Variants in SMIM3 observed in about 807,000 individuals in gnomAD.
SMIM3 encodes small integral membrane protein 3, also known as NGF-induced differentiation clone 67 protein.
Under a neutral mutation model 2.1 loss-of-function variants are expected in SMIM3, and 4 were observed. That is an observed-to-expected ratio of 1.89 (90% CI 0.93 to 4.31). The LOEUF (loss-of-function observed/expected upper bound fraction) is 4.31, where lower values mean the gene tolerates loss of function less well. SMIM3 is among the 30% of genes most tolerant of loss of function. The pLI is 0.01. For missense variants in SMIM3, 79 were observed against 77.7 expected (o/e 1.02, Z -0.06); for synonymous variants, 29 against 30.8 (o/e 0.94, Z 0.19).
chr5:150,781,609 C>G (rs1156630695), intron 1 of SMIM3, among the ~76,000 whole-genome samples: 1 of 152,160 alleles, frequency 6.6e-6, no homozygotes, highest in Non-Finnish European at 1.5e-5. Flanking sequence ...ATTCAAGATT[C>G]TGGGGACCAG....
chr5:150,783,914 CTTT>C (rs557905770), intron 1 of SMIM3, among the ~76,000 whole-genome samples: 3 of 124,356 alleles, frequency 2.4e-5, no homozygotes, highest in Non-Finnish European at 3.3e-5. Flanking sequence ...TTTGAACTCC[CTTT>C]TTTTTTTTTT....
chr5:150,779,780 A>C (rs1753212073), intron 1 of SMIM3, among the ~76,000 whole-genome samples: 1 of 152,064 alleles, frequency 6.6e-6, no homozygotes, highest in African/African-American at 2.4e-5. Context: ...GGCCTGGCTA[A>C]CAGTAGGTGC....
Position 150,795,809 on chromosome 5 carries a change from C to G in SMIM3, c.*186C>G, listed in dbSNP as rs779661901. On this transcript the variant is annotated 3_prime_UTR_variant, in exon 2 of 2. Transcript: ENST00000526627. The stretch of plus-strand genomic sequence containing the variant: ...ACTCTCTGAGTTCCAGGTTCCTTAT[C>G]TTTCAAATGGGGATGGTGATCCCTG... The G allele has an allele frequency of 9.5e-6, 6 of 628,926 alleles. No homozygotes were observed. The highest frequency in any genetic ancestry group is 1.6e-5 in the Non-Finnish European group (6 of 366,154). The allele number at this position is 628,926 out of a possible 1,614,324, so 39.0% of individuals were successfully genotyped here.
At chr5:150,791,401 C>T (rs890008888) in intron 1 of SMIM3, among the ~76,000 whole-genome samples, 4 of 152,080 alleles carry the variant, frequency 2.6e-5, no homozygotes, top group African/African-American at 9.7e-5. Flanking sequence ...ACCAGTATCT[C>T]CCCATTCCCC....
rs574763074 is a variant in SMIM3, at chr5:150,795,548, G to A, written c.108G>A (p.Ser36=). ...TGGCCACCATTGTCATCATGACCTC[G>A]TTGTTGCTGTGCCCAGCCACTGCAG... ...IILATIVIMT[S]LLLCPATAVI... The change falls in exon 2 of 2, where the codon TCG becomes TCA. Residue 36 remains serine (S), a synonymous_variant. Transcript: ENST00000526627. 46 of 1,608,706 alleles carry A rather than the reference G, an allele frequency of 2.9e-5. No individual in the cohort carries two copies. Among genetic ancestry groups the A allele is most frequent in the East Asian group, 2.2e-5 (1 of 44,864 alleles).
chr5:150,787,123 C>G (rs550202949), intron 1 of SMIM3, among the ~76,000 whole-genome samples: 2 of 152,272 alleles, frequency 1.3e-5, no homozygotes, highest in South Asian at 4.1e-4. Flanking sequence ...TCTCCTGAGT[C>G]AGTACTGCTC....
chr5:150,782,906 G>T (rs1440646395), intron 1 of SMIM3, among the ~76,000 whole-genome samples: 1 of 152,174 alleles, frequency 6.6e-6, no homozygotes, highest in Non-Finnish European at 1.5e-5. Flanking sequence ...AAGAGGTGAG[G>T]CTTCTGCTCT....
chr5:150,783,914 CTTTTT>C lies in SMIM3; in HGVS notation c.-12+4961_-12+4965del, dbSNP rs557905770. 4.4e-4 allele frequency among the ~76,000 whole-genome samples: 55 copies of C among 124,326 alleles called. No homozygotes were observed. In the East Asian group the frequency reaches 9.6e-3, roughly 22 times the overall value. 81.6% of individuals were successfully genotyped at this position (124,326 alleles called of 152,430 possible). On this transcript the variant is annotated intron_variant, in intron 1 of 1. Transcript: ENST00000526627. ...ACTAATGGCAGAGGCTTTGAACTCC[CTTTTT>C]TTTTTTTTTTTTTTTTTTGATACGG...
At chr5:150,781,633 TTGG>T (rs569322134) in intron 1 of SMIM3, among the ~76,000 whole-genome samples, 33 of 152,134 alleles carry the variant, frequency 2.2e-4, no homozygotes, top group South Asian at 1.2e-3. Flanking sequence ...ATAGATGTCT[TTGG>T]TGGTGGTGGT....
At chr5:150,791,517 C>T (rs983725195) in intron 1 of SMIM3, among the ~76,000 whole-genome samples, 1 of 152,106 alleles carries the variant, frequency 6.6e-6, no homozygotes, top group African/African-American at 2.4e-5. Flanking sequence ...ATTTGTCTTT[C>T]TGTGCCTGGC....
At chr5:150,793,152 T>A (rs551640592) in intron 1 of SMIM3, among the ~76,000 whole-genome samples, 74 of 152,192 alleles carry the variant, frequency 4.9e-4, no homozygotes, top group African/African-American at 1.7e-3. Flanking sequence ...TACAAAACAC[T>A]GCTAAAAAGA....
chr5:150,783,335 G>A (rs1753255820), intron 1 of SMIM3, among the ~76,000 whole-genome samples: 1 of 152,210 alleles, frequency 6.6e-6, no homozygotes. Context: ...TGAGGGTGGA[G>A]ACTTTTTGGA....
chr5:150,788,059 A>G (rs2216636), intron 1 of SMIM3, among the ~76,000 whole-genome samples: 21,983 of 152,112 alleles, frequency 0.14, 2,851 homozygotes, highest in African/African-American at 0.34. Flanking sequence ...AGAGAGTCTG[A>G]CGAGTAGATA....
intron 1 of SMIM3, among the ~76,000 whole-genome samples, chr5:150,783,386 T>C (rs929530860): frequency 6.6e-6 from 1 of 152,254 alleles, no homozygotes; most frequent in Non-Finnish European, 1.5e-5. Context: ...AACCCTCTAG[T>C]CCTGTGCCCT....
intron 1 of SMIM3, among the ~76,000 whole-genome samples, chr5:150,788,180 T>C (rs938632999): frequency 2.6e-5 from 4 of 152,080 alleles, no homozygotes; most frequent in Admixed American, 2.0e-4. Flanking sequence ...TGCCAAATGG[T>C]GGGATTGGCC....
In SMIM3 at chr5:150,785,580, C is replaced by CTTTTT. The variant is rs35273478; in HGVS notation, c.-12+6624_-12+6628dup. ...TCAGCAGATTTACTATATTTCTTTT[C>CTTTTT]TTTTTTTTTTTTTTTTTTTTGAAAT... is the stretch of plus-strand genomic sequence containing the variant. On this transcript the variant is annotated intron_variant, in intron 1 of 1. Transcript: ENST00000526627. 4.5e-3 allele frequency among the ~76,000 whole-genome samples: 515 copies of CTTTTT among 113,564 alleles called. 1 individual carries two copies. The highest frequency in any genetic ancestry group is 6.7e-3 in the Non-Finnish European group (363 of 54,424). The allele number at this position is 113,564 out of a possible 152,430, so 74.5% of individuals were successfully genotyped here. A position where few individuals can be genotyped will look rare whatever the true frequency, so the allele number is the denominator to read the frequency against.
intron 1 of SMIM3, among the ~76,000 whole-genome samples, chr5:150,781,219 G>A (rs1041313067): frequency 6.6e-6 from 1 of 152,158 alleles, no homozygotes; most frequent in African/African-American, 2.4e-5. Flanking sequence ...GAATTGGGGG[G>A]AACTAGGTTC....
intron 1 of SMIM3, among the ~76,000 whole-genome samples, chr5:150,792,837 C>A (rs1381688186): frequency 1.3e-5 from 2 of 152,336 alleles, no homozygotes; most frequent in Non-Finnish European, 2.9e-5. Context: ...CCATTGCACC[C>A]AGCCTGAAGT....
At position 150,795,653 on chromosome 5, in the gene SMIM3, G is replaced by A. The variant is rs1298171133; in HGVS notation, c.*30G>A. The A allele has an allele frequency of 6.5e-7, 1 of 1,535,992 alleles. No individual in the cohort carries two copies. Among genetic ancestry groups the A allele is most frequent in the Non-Finnish European group, 8.7e-7 (1 of 1,145,834 alleles). On this transcript the variant is annotated 3_prime_UTR_variant, in exon 2 of 2. Transcript: ENST00000526627. ...CTCCCAAGAGGGCCGGGTGAGGGAT[G>A]AGGACAGGCATCCTATCCCCAGCCT...
Sources: gnomAD v4.1 joint callset for allele counts (sites outside exome capture counted in the v4.1 genomes callset) on GRCh38, gnomAD v4.1.1 for gene constraint, MANE v1.5 for transcripts, NCBI Gene and HGNC (gene_info 2026-07-23, HGNC 2026-07-21) for gene names.